Variants in PDE3B observed in about 807,000 individuals in gnomAD.
The protein encoded by PDE3B is phosphodiesterase 3B.
Under a neutral mutation model 116.8 loss-of-function variants are expected in PDE3B, and 66 were observed. That is an observed-to-expected ratio of 0.56 (90% CI 0.46 to 0.69). The LOEUF is 0.69. Among genes scored for constraint, PDE3B ranks in the 30% least tolerant of loss-of-function variants. The probability of loss-of-function intolerance (pLI) is 0.00; values close to 1 mark genes in which losing one functional copy is unlikely to be tolerated. For missense variants in PDE3B, 1,384 were observed against 1,368.1 expected, an observed-to-expected ratio of 1.01 and a Z score of -0.18; for synonymous variants, 595 against 533.6, an observed-to-expected ratio of 1.12 and a Z score of -1.59.
chr11:14,651,993 G>A (rs1853586358), intron 1 of PDE3B, among the ~76,000 whole-genome samples: 1 of 151,952 alleles, frequency 6.6e-6, no homozygotes, highest in Admixed American at 6.6e-5. Context: ...TTTTTCTTTT[G>A]TTGCCTATGA....
rs183067344 is a variant in PDE3B at position 14,729,511 on chromosome 11, A to C, written c.979-42426A>C. On this transcript the variant is annotated intron_variant, in intron 1 of 15. Coordinates refer to ENST00000282096, the MANE Select transcript of PDE3B (RefSeq NM_000922.4). ...CACTGCCACCTTTGTTTACTTCTCCATTTTATCCCCTCTTGGTTACAGAAA... is the reference window on the plus strand; with the variant it reads ...CACTGCCACCTTTGTTTACTTCTCCCTTTTATCCCCTCTTGGTTACAGAAA... 6.6e-5 allele frequency among the ~76,000 whole-genome samples: 10 copies of C among 152,276 alleles called. No homozygotes were observed. In the East Asian group the frequency reaches 1.9e-3, roughly 29 times the overall value.
At chr11:14,777,198 A>G (rs772055635) in intron 2 of PDE3B, among the ~76,000 whole-genome samples, 22 of 152,324 alleles carry the variant, frequency 1.4e-4, no homozygotes, top group African/African-American at 4.3e-4. Flanking sequence ...AATAGAATTT[A>G]GCCAATTTTA....
chr11:14,874,055 A>C (rs1848168510), downstream of PDE3B, among the ~76,000 whole-genome samples: 1 of 152,098 alleles, frequency 6.6e-6, no homozygotes, highest in Admixed American at 6.6e-5. Context: ...ATGTCTTGTA[A>C]TTTATGCTTT....
At chr11:14,851,614 C>T (rs1173721158) in intron 12 of PDE3B, among the ~76,000 whole-genome samples, 2 of 151,930 alleles carry the variant, frequency 1.3e-5, no homozygotes, top group East Asian at 1.9e-4. Flanking sequence ...AGGTAACTTT[C>T]TGATTAATTT....
At chr11:14,887,376 C>T in the PDE3B span, 1 of 153,622 alleles carries the variant, frequency 6.5e-6, no homozygotes, top group Non-Finnish European at 1.4e-5. Flanking sequence ...CTGAAATAGT[C>T]CTCTATTTGA....
At chr11:14,812,550 A>G (rs571417279) in intron 5 of PDE3B, among the ~76,000 whole-genome samples, 5 of 152,356 alleles carry the variant, frequency 3.3e-5, no homozygotes, top group Admixed American at 6.5e-5. Flanking sequence ...TTAAGAAGCT[A>G]TAAGTTTCAC....
intron 7 of PDE3B, among the ~76,000 whole-genome samples, chr11:14,830,365 A>G (rs2133961682): frequency 6.6e-6 from 1 of 152,248 alleles, no homozygotes; most frequent in Non-Finnish European, 1.5e-5. Flanking sequence ...TAAAACTCAG[A>G]GATGTTGGAA....
At chr11:14,714,647 G>A (rs939652024) in intron 1 of PDE3B, among the ~76,000 whole-genome samples, 6 of 152,036 alleles carry the variant, frequency 3.9e-5, no homozygotes, top group Non-Finnish European at 5.9e-5. Context: ...CCCCAAGATG[G>A]TGCCAATGTG....
chr11:14,760,970 C>T (rs1204778449), intron 1 of PDE3B, among the ~76,000 whole-genome samples: 1 of 152,052 alleles, frequency 6.6e-6, no homozygotes, highest in Non-Finnish European at 1.5e-5. Flanking sequence ...ATAAATTGTT[C>T]TTAACTGTAA....
At chr11:14,865,876 A>T (rs1848034695) in intron 14 of PDE3B, among the ~76,000 whole-genome samples, 1 of 152,180 alleles carries the variant, frequency 6.6e-6, no homozygotes, top group South Asian at 2.1e-4. Context: ...TAGAAAATTC[A>T]CTAGTTCAGT....
chr11:14,678,537 G>T (rs1486969007), intron 1 of PDE3B, among the ~76,000 whole-genome samples: 2 of 152,088 alleles, frequency 1.3e-5, no homozygotes, highest in African/African-American at 4.8e-5. Flanking sequence ...GTCATTCTAG[G>T]TGTGTAGTGG....
intron 1 of PDE3B, among the ~76,000 whole-genome samples, chr11:14,754,408 T>C (rs1232166853): frequency 6.6e-6 from 1 of 152,128 alleles, no homozygotes; most frequent in Non-Finnish European, 1.5e-5. Context: ...ATATGTAAGC[T>C]CTCATGTGTA....
chr11:14,787,731 G>T (rs1858256758), intron 3 of PDE3B, among the ~76,000 whole-genome samples: 1 of 151,662 alleles, frequency 6.6e-6, no homozygotes, highest in African/African-American at 2.4e-5. Context: ...TTCCTTTTTA[G>T]CACTCTATCT....
chr11:14,708,730 G>A (rs1413283510), intron 1 of PDE3B, among the ~76,000 whole-genome samples: 1 of 151,786 alleles, frequency 6.6e-6, no homozygotes, highest in East Asian at 1.9e-4. Flanking sequence ...GGACTAAAAA[G>A]CATGATGTAA....
Position 14,867,718 on chromosome 11 carries a change from A to C in PDE3B, c.3099A>C (p.Leu1033Phe), listed in dbSNP as rs782206472. The C allele has an allele frequency of 1.2e-6, 2 of 1,611,560 alleles. No individual in the cohort carries two copies. Among genetic ancestry groups the C allele is most frequent in the African/African-American group, 1.3e-5 (1 of 74,906 alleles). ...ESGDDEDGEELDTEDEEMENN... is the reference protein window; with the variant it reads ...ESGDDEDGEEFDTEDEEMENN... The stretch of plus-strand genomic sequence containing the variant: ...GTGATGATGAAGACGGTGAAGAATT[A>C]GATACAGAAGATGAAGAAATGGAAA... Residue 1033 changes from leucine to phenylalanine, a missense_variant, in exon 15 of 16, where the codon TTA becomes TTC. Around this residue, in one of 2 missense-constraint regions of PDE3B, gnomAD observed 428 missense variants for 561.4 expected, o/e 0.76. Transcript: ENST00000282096.
intron 1 of PDE3B, among the ~76,000 whole-genome samples, chr11:14,657,476 C>T (rs1177019520): frequency 1.3e-5 from 2 of 152,192 alleles, no homozygotes; most frequent in East Asian, 3.9e-4. Context: ...TCGTTAAAAG[C>T]AGACAAAAAT....
At chr11:14,788,707 A>C (rs1858288799) in intron 3 of PDE3B, among the ~76,000 whole-genome samples, 1 of 151,968 alleles carries the variant, frequency 6.6e-6, no homozygotes, top group African/African-American at 2.4e-5. Context: ...ATTCTATAGC[A>C]CTGTACTGAA....
the PDE3B span, among the ~76,000 whole-genome samples, chr11:14,889,262 T>C: frequency 6.6e-6 from 1 of 152,138 alleles, no homozygotes; most frequent in Admixed American, 6.5e-5. Flanking sequence ...CCAGAACTTT[T>C]TGGAAGCACA....
chr11:14,655,491 T>C (rs984596686), intron 1 of PDE3B, among the ~76,000 whole-genome samples: 2 of 152,202 alleles, frequency 1.3e-5, no homozygotes, highest in African/African-American at 2.4e-5. Context: ...ATTAGCCCCC[T>C]TTTTTGAGCA....
Sources: gnomAD v4.1 joint callset for allele counts (sites outside exome capture counted in the v4.1 genomes callset) on GRCh38, gnomAD v4.1.1 for gene constraint, gnomAD v4.1.1 regional missense constraint, MANE v1.5 for transcripts, NCBI Gene and HGNC (gene_info 2026-07-23, HGNC 2026-07-21) for gene names.